The following SEPTIN9 variants were observed in gnomAD, a reference collection of about 807,000 sequenced individuals.
SEPTIN9 encodes the protein septin-9.
Under a neutral mutation model 56.6 loss-of-function variants are expected in SEPTIN9, and 13 were observed. The observed-to-expected ratio is 0.23, with a 90% CI of 0.15 to 0.37. SEPTIN9 has a LOEUF of 0.37. Ranked by LOEUF, SEPTIN9 falls within the 10% of genes least tolerant of loss-of-function variation. The pLI, the probability that SEPTIN9 is intolerant of heterozygous loss-of-function variation, is 1.00. For missense variants in SEPTIN9, 650 were observed against 823.1 expected (o/e 0.79, Z 2.57); for synonymous variants, 332 against 334.1 (o/e 0.99, Z 0.07).
chr17:77,483,377 C>G (rs79245753), intron 4 of SEPTIN9: 1,850 of 152,670 alleles, frequency 0.012, 47 homozygotes, highest in African/African-American at 0.043. Context: ...GTGCTCACAG[C>G]TGCCTGGAAG....
chr17:77,314,573 T>A (rs1182345287), intron 2 of SEPTIN9, among the ~76,000 whole-genome samples: 1 of 151,904 alleles, frequency 6.6e-6, no homozygotes, highest in Non-Finnish European at 1.5e-5. Flanking sequence ...GTGTGTTAGG[T>A]GAGGGGACAT....
chr17:77,344,430 G>T (rs192285712), intron 2 of SEPTIN9, among the ~76,000 whole-genome samples: 149 of 152,346 alleles, frequency 9.8e-4, no homozygotes, highest in African/African-American at 2.5e-3. Context: ...TGGTGCAGCT[G>T]CTGTGGAAAA....
chr17:77,497,792 G>A (rs2040334826), intron 11 of SEPTIN9, among the ~76,000 whole-genome samples: 1 of 152,156 alleles, frequency 6.6e-6, no homozygotes, highest in African/African-American at 2.4e-5. Flanking sequence ...GTCCAGGCAA[G>A]GAGGGGAAGC....
chr17:77,467,142 C>A (rs1233517022), intron 3 of SEPTIN9, among the ~76,000 whole-genome samples: 1 of 152,254 alleles, frequency 6.6e-6, no homozygotes, highest in Non-Finnish European at 1.5e-5. Flanking sequence ...GACGCTGGGA[C>A]CAAGTCATCC....
rs1038066955 is a variant in SEPTIN9, at chr17:77,424,033, A to G, written c.721+21330A>G. Reference sequence around the variant, plus strand: ...TTGAGCGCTGAGCAGATTTGTTTCCATTTTAGGGACAACGCAAGGAGGCTG... The same window carrying G: ...TTGAGCGCTGAGCAGATTTGTTTCCGTTTTAGGGACAACGCAAGGAGGCTG... On this transcript the variant is annotated intron_variant, in intron 3 of 11. Coordinates refer to ENST00000427177, the MANE Select transcript of SEPTIN9 (RefSeq NM_001113491.2). 1.3e-5 allele frequency among the ~76,000 whole-genome samples: 2 copies of G among 152,154 alleles called. 1 individual carries two copies. The highest frequency in any genetic ancestry group is 3.8e-4 in the East Asian group (2 of 5,196).
rs911135428 is a variant in SEPTIN9 at position 77,287,807 on chromosome 17, A to G, written c.19+6253A>G. 17 of 883,916 alleles carry G rather than the reference A, an allele frequency of 1.9e-5. No individual in the cohort carries two copies. In the African/African-American group the frequency reaches 2.5e-4, roughly 13 times the overall value. 54.8% of individuals were successfully genotyped at this position (883,916 alleles called of 1,614,324 possible). ...AGCCTAATCTGACCTGGTTCTCCAA[A>G]GCATGACTGTTGGCAGCCTGAAAAC... is the stretch of plus-strand genomic sequence containing the variant. On this transcript the variant is annotated intron_variant, in intron 1 of 11. Transcript: ENST00000427177.
intron 2 of SEPTIN9, among the ~76,000 whole-genome samples, chr17:77,338,839 A>C (rs925303191): frequency 6.6e-6 from 1 of 152,366 alleles, no homozygotes; most frequent in Middle Eastern, 3.4e-3. Context: ...TCAAAATTAG[A>C]GTCAATTCTT....
At chr17:77,281,782 G>T in intron 1 of SEPTIN9, 1 of 504,684 alleles carries the variant, frequency 2.0e-6, no homozygotes, top group South Asian at 2.8e-5. Flanking sequence ...TGTCGGAGGG[G>T]CTGCCCTGGG....
At position 77,329,319 on chromosome 17, in the gene SEPTIN9, C is replaced by T. The variant is rs1210221419; in HGVS notation, c.76+22122C>T. ...CTCTTTGATTGCTGGATGGACCCACCTGCCTGGCTGCCCCCGTCAGCATCC... is the reference window on the plus strand; with the variant it reads ...CTCTTTGATTGCTGGATGGACCCACTTGCCTGGCTGCCCCCGTCAGCATCC... On this transcript the variant is annotated intron_variant, in intron 2 of 11. Coordinates refer to ENST00000427177, the MANE Select transcript of SEPTIN9 (RefSeq NM_001113491.2). This position sits in a 1 kb window ranked among gnomAD's most constrained non-coding sequence, Gnocchi z 4.3. 1.3e-5 allele frequency among the ~76,000 whole-genome samples: 2 copies of T among 152,182 alleles called. No homozygotes were observed. Among genetic ancestry groups the T allele is most frequent in the African/African-American group, 4.8e-5 (2 of 41,448 alleles).
chr17:77,493,358 G>A, intron 10 of SEPTIN9: 1 of 472,352 alleles, frequency 2.1e-6, no homozygotes, highest in Non-Finnish European at 3.9e-6. Flanking sequence ...TCCTGGTGCA[G>A]GCTCTTTCAT....
intron 2 of SEPTIN9, among the ~76,000 whole-genome samples, chr17:77,370,694 T>G (rs888563335): frequency 1.3e-5 from 2 of 152,210 alleles, no homozygotes; most frequent in African/African-American, 4.8e-5. Flanking sequence ...TTCAGCTCAG[T>G]TTCCTCTCTG....
intron 3 of SEPTIN9, among the ~76,000 whole-genome samples, chr17:77,459,990 A>G (rs369401954): frequency 1.3e-5 from 2 of 152,018 alleles, no homozygotes; most frequent in East Asian, 1.9e-4. Flanking sequence ...CAGACTCTAT[A>G]GCAATCAGAT....
At chr17:77,346,793 A>G (rs943196780) in intron 2 of SEPTIN9, among the ~76,000 whole-genome samples, 3 of 152,070 alleles carry the variant, frequency 2.0e-5, no homozygotes, top group Admixed American at 6.6e-5. Flanking sequence ...CCCAAAATTC[A>G]TATGTTGGAG....
chr17:77,499,750 A>C lies in SEPTIN9; in HGVS notation c.*1092A>C. 5.9e-6 allele frequency: 2 copies of C among 338,900 alleles called. No homozygotes were observed. The highest frequency in any genetic ancestry group is 3.8e-5 in the South Asian group (1 of 25,988). The allele number at this position is 338,900 out of a possible 1,614,324, so 21.0% of individuals were successfully genotyped here. A position where few individuals can be genotyped will look rare whatever the true frequency, so the allele number is the denominator to read the frequency against. On this transcript the variant is annotated 3_prime_UTR_variant, in exon 12 of 12. Transcript: ENST00000427177. The stretch of plus-strand genomic sequence containing the variant: ...TAATGCCCAGCCAGCCACCCCTGCC[A>C]CTCACCCTTCCTGGCCCAGGCCTTG...
intron 1 of SEPTIN9, among the ~76,000 whole-genome samples, chr17:77,299,368 G>A (rs2031942307): frequency 6.6e-6 from 1 of 152,160 alleles, no homozygotes; most frequent in South Asian, 2.1e-4. Flanking sequence ...TTTAGTATAA[G>A]CATATCCCAC....
intron 10 of SEPTIN9, among the ~76,000 whole-genome samples, chr17:77,494,553 A>G (rs1325541188): frequency 6.6e-6 from 1 of 152,208 alleles, no homozygotes; most frequent in Non-Finnish European, 1.5e-5. Context: ...CCCAAAGACC[A>G]CAGAGCTTTT....
Position 77,437,324 on chromosome 17 carries a change from C to T in SEPTIN9, c.721+34621C>T, listed in dbSNP as rs572770045. On this transcript the variant is annotated intron_variant, in intron 3 of 11. Coordinates refer to ENST00000427177, the MANE Select transcript of SEPTIN9 (RefSeq NM_001113491.2). This position sits in a 1 kb window ranked among gnomAD's most constrained non-coding sequence, Gnocchi z 5.3. Reference sequence around the variant, plus strand: ...GGCCTGGTTCCCAGGGATGGAGCACCGACCCCTCCCTTCTACACCCCCACC... The same window carrying T: ...GGCCTGGTTCCCAGGGATGGAGCACTGACCCCTCCCTTCTACACCCCCACC... 3.1e-4 allele frequency among the ~76,000 whole-genome samples: 47 copies of T among 152,152 alleles called. 1 individual carries two copies. Among genetic ancestry groups the T allele is most frequent in the Non-Finnish European group, 2.5e-4 (17 of 68,020 alleles).
At chr17:77,320,432 CA>C (rs1294352609) in intron 2 of SEPTIN9, 5 of 1,217,440 alleles carry the variant, frequency 4.1e-6, no homozygotes, top group Non-Finnish European at 6.1e-6. Flanking sequence ...AATAAGCATG[CA>C]AAGGGCGCTT....
chr17:77,342,132 G>T (rs2033754111), intron 2 of SEPTIN9, among the ~76,000 whole-genome samples: 1 of 151,718 alleles, frequency 6.6e-6, no homozygotes, highest in Non-Finnish European at 1.5e-5. Context: ...CACCATAGCA[G>T]ATATAATAAT....
Sources: allele counts gnomAD v4.1 joint callset (sites outside exome capture counted in the v4.1 genomes callset), GRCh38; gene constraint gnomAD v4.1.1; non-coding constraint Gnocchi (gnomAD v3.1); transcripts MANE v1.5; gene names NCBI Gene and HGNC (gene_info 2026-07-23, HGNC 2026-07-21).